NECTIN2: variants seen among roughly 807,000 people sequenced by gnomAD.
NECTIN2 encodes the protein nectin-2.
NECTIN2 carries 23 observed loss-of-function variants against 56.9 expected under a neutral mutation model. The ratio of observed to expected loss-of-function variants is 0.40; its 90% CI spans 0.29 to 0.57. The LOEUF is 0.57. Among genes scored for constraint, NECTIN2 ranks in the 20% least tolerant of loss-of-function variants. NECTIN2 has a pLI of 0.38. For synonymous variants in NECTIN2, 302 were observed against 313.8 expected, an observed-to-expected ratio of 0.96 and a Z score of 0.40; for missense variants, 587 against 718.3, an observed-to-expected ratio of 0.82 and a Z score of 2.09.
chr19:44,883,820 G>A (rs1339993367), intron 6 of NECTIN2, among the ~76,000 whole-genome samples: 5 of 151,948 alleles, frequency 3.3e-5, no homozygotes, highest in African/African-American at 9.7e-5. Flanking sequence ...GCAAGACCCT[G>A]TATCTTAAAA....
At chr19:44,872,954 G>A (rs1969194794) in intron 3 of NECTIN2, among the ~76,000 whole-genome samples, 2 of 147,608 alleles carry the variant, frequency 1.4e-5, no homozygotes, top group Admixed American at 6.7e-5. Context: ...TCCACCCCCC[G>A]GGCCCTGTTG....
At chr19:44,869,366 G>A (rs536376001) in intron 2 of NECTIN2, among the ~76,000 whole-genome samples, 17 of 152,202 alleles carry the variant, frequency 1.1e-4, no homozygotes, top group Admixed American at 2.6e-4. Context: ...GCCGAGGCAG[G>A]CGGATCACGA....
At chr19:44,887,679 A>G (rs1969376286) in intron 8 of NECTIN2, among the ~76,000 whole-genome samples, 1 of 152,098 alleles carries the variant, frequency 6.6e-6, no homozygotes. Flanking sequence ...AAGAAAATTG[A>G]TTATCTACAT....
intron 2 of NECTIN2, among the ~76,000 whole-genome samples, chr19:44,867,085 C>T (rs1969109822): frequency 6.6e-6 from 1 of 151,608 alleles, no homozygotes; most frequent in African/African-American, 2.4e-5. Flanking sequence ...GTGGCGCGAT[C>T]TCGGCTCACT....
rs182496197 is a variant in NECTIN2, at chr19:44,855,671, A to G, written c.88+9058A>G. Among the ~76,000 whole-genome samples, 3 of 152,224 alleles carry G rather than the reference A, an allele frequency of 2.0e-5. No homozygotes were observed. In the East Asian group the frequency reaches 5.8e-4, roughly 29 times the overall value. On this transcript the variant is annotated intron_variant, in intron 1 of 8. Coordinates refer to ENST00000252483, the MANE Select transcript of NECTIN2 (RefSeq NM_001042724.2). ...TTGTGCAATATTTGTACCCCCTGCAATCTGGATGTCAACCCTGGAAAACAA... is the reference window on the plus strand; with the variant it reads ...TTGTGCAATATTTGTACCCCCTGCAGTCTGGATGTCAACCCTGGAAAACAA...
intron 6 of NECTIN2, among the ~76,000 whole-genome samples, chr19:44,883,750 A>G (rs2122712353): frequency 6.6e-6 from 1 of 152,284 alleles, no homozygotes; most frequent in East Asian, 1.9e-4. Flanking sequence ...ACTTGAGCCC[A>G]GGAGCTCAAG....
At chr19:44,855,717 C>A (rs1404236113) in intron 1 of NECTIN2, among the ~76,000 whole-genome samples, 1 of 152,186 alleles carries the variant, frequency 6.6e-6, no homozygotes, top group African/African-American at 2.4e-5. Flanking sequence ...TGTCCTGTTA[C>A]TTCTGCAGCA....
chr19:44,847,275 G>C (rs1025027231), intron 1 of NECTIN2, among the ~76,000 whole-genome samples: 3 of 152,174 alleles, frequency 2.0e-5, no homozygotes, highest in Admixed American at 2.0e-4. Flanking sequence ...TAGGGGCCGG[G>C]GGCTCCGTCT....
intron 5 of NECTIN2, among the ~76,000 whole-genome samples, chr19:44,877,176 C>T (rs967652508): frequency 1.3e-5 from 2 of 152,132 alleles, no homozygotes; most frequent in Non-Finnish European, 2.9e-5. Context: ...TTGAAAACAA[C>T]AGAAACAGAT....
intron 1 of NECTIN2, among the ~76,000 whole-genome samples, chr19:44,858,661 G>A (rs1015570618): frequency 4.7e-5 from 7 of 149,852 alleles, no homozygotes; most frequent in African/African-American, 9.9e-5. Flanking sequence ...TTCCCCTCCC[G>A]AGACCGAGTC....
chr19:44,856,496 A>G (rs980195009), intron 1 of NECTIN2, among the ~76,000 whole-genome samples: 1 of 152,150 alleles, frequency 6.6e-6, no homozygotes, highest in Non-Finnish European at 1.5e-5. Flanking sequence ...AACGGCTCCC[A>G]CTTGCCACAA....
chr19:44,863,512 A>G (rs1038454033), intron 1 of NECTIN2, among the ~76,000 whole-genome samples: 10 of 152,200 alleles, frequency 6.6e-5, no homozygotes, highest in Non-Finnish European at 1.5e-5. Flanking sequence ...CTTCACCTCT[A>G]TGCAATATAT....
At position 44,864,164 on chromosome 19, in the gene NECTIN2, G is replaced by C. The variant is rs1000695499; in HGVS notation, c.89-1107G>C. On this transcript the variant is annotated intron_variant, in intron 1 of 8. Coordinates refer to ENST00000252483, the MANE Select transcript of NECTIN2 (RefSeq NM_001042724.2). ...AGCCTGGGCAACATAGCGAGACATTGTCTCTACCAAAACAAACAAACAAAA... is the reference window on the plus strand; with the variant it reads ...AGCCTGGGCAACATAGCGAGACATTCTCTCTACCAAAACAAACAAACAAAA... 7.7e-5 allele frequency among the ~76,000 whole-genome samples: 10 copies of C among 130,514 alleles called. No individual in the cohort carries two copies. In the East Asian group the frequency reaches 2.2e-3, roughly 28 times the overall value. The allele number at this position is 130,514 out of a possible 152,430, so 85.6% of individuals were successfully genotyped here.
At position 44,865,294 on chromosome 19, in the gene NECTIN2, G is replaced by C. The variant is rs1969084906; in HGVS notation, c.112G>C (p.Val38Leu). 1 of 1,613,146 alleles carries C rather than the reference G, an allele frequency of 6.2e-7. No individual in the cohort carries two copies. Among genetic ancestry groups the C allele is most frequent in the Non-Finnish European group, 8.5e-7 (1 of 1,179,458 alleles). The change falls in exon 2 of 9, where the codon GTG becomes CTG. Residue 38 changes from valine (V) to leucine (L), a missense_variant. Physicochemically the swap from Val to Leu is conservative, Grantham distance 32. Coordinates refer to ENST00000252483, the MANE Select transcript of NECTIN2 (RefSeq NM_001042724.2). The surrounding 1 kb of genome is among the most constrained non-coding windows in gnomAD (Gnocchi z 5.2). Reference protein sequence around the residue: ...ETGAQDVRVQVLPEVRGQLGG... With the variant: ...ETGAQDVRVQLLPEVRGQLGG... ...AGGAGCCCAGGATGTGCGAGTTCAA[G>C]TGCTACCCGAGGTGCGAGGCCAGCT...
intron 8 of NECTIN2, 87 bp downstream of exon 8, chr19:44,886,306 A>C: frequency 3.6e-6 from 4 of 1,107,440 alleles, no homozygotes; most frequent in Non-Finnish European, 5.4e-6. Context: ...TCAAAGACTA[A>C]AGGTCATAAC....
rs753828745 is a variant in NECTIN2 at position 44,882,047 on chromosome 19, G to A, written c.1043-164G>A. ...TCTCCCATGCGGGGCACACATCCTC[G>A]CTCCTTCCTCATGCTCAGCAGTTTG... On this transcript the variant is annotated intron_variant, in intron 5 of 8. Coordinates refer to ENST00000252483, the MANE Select transcript of NECTIN2 (RefSeq NM_001042724.2). 1.8e-4 allele frequency: 94 copies of A among 516,066 alleles called. No homozygotes were observed. The Middle Eastern group carries it at 4.9e-3, about 27-fold the overall frequency. 32.0% of individuals were successfully genotyped at this position (516,066 alleles called of 1,614,324 possible). A position where few individuals can be genotyped will look rare whatever the true frequency, so the allele number is the denominator to read the frequency against.
At chr19:44,879,255 C>T (rs530181087) in intron 5 of NECTIN2, among the ~76,000 whole-genome samples, 3 of 151,850 alleles carry the variant, frequency 2.0e-5, no homozygotes, top group South Asian at 2.1e-4. Flanking sequence ...TGGCCAGACC[C>T]ATCAGAGGCA....
intron 1 of NECTIN2, among the ~76,000 whole-genome samples, chr19:44,851,945 G>C (rs1051306952): frequency 2.5e-4 from 38 of 152,068 alleles, no homozygotes; most frequent in Middle Eastern, 3.4e-3. Flanking sequence ...CAGCCTCCAA[G>C]TCCCAACCCT....
At chr19:44,877,239 A>G (rs1254896265) in intron 5 of NECTIN2, among the ~76,000 whole-genome samples, 2 of 152,170 alleles carry the variant, frequency 1.3e-5, no homozygotes, top group Non-Finnish European at 2.9e-5. Context: ...AGGTGGGGTC[A>G]GGTGTGGGTG....
Sources: gnomAD v4.1 joint callset for allele counts (sites outside exome capture counted in the v4.1 genomes callset) on GRCh38, gnomAD v4.1.1 for gene constraint, Gnocchi (gnomAD v3.1) non-coding constraint, MANE v1.5 for transcripts, NCBI Gene and HGNC (gene_info 2026-07-23, HGNC 2026-07-21) for gene names.